The following PLEKHG6 variants were observed in gnomAD, a reference collection of about 807,000 sequenced individuals.
The protein encoded by PLEKHG6 is pleckstrin homology and RhoGEF domain containing G6, also known as pleckstrin homology domain-containing family G member 6.
In PLEKHG6, 91 loss-of-function variants were observed where a neutral mutation model predicts 97.5. The ratio of observed to expected loss-of-function variants is 0.93; its 90% confidence interval spans 0.79 to 1.11. PLEKHG6 has a LOEUF of 1.11. Ranked by LOEUF, PLEKHG6 falls within the 50% of genes most tolerant of loss-of-function variation. The pLI is 0.00. For missense variants in PLEKHG6, 1,044 were observed against 1,031.0 expected (o/e 1.01, Z -0.17); for synonymous variants, 466 against 425.5 (o/e 1.10, Z -1.17).
rs1326172276 is a variant in PLEKHG6, at chr12:6,315,426, G to A, written c.460-128G>A. On this transcript the variant is annotated intron_variant, in intron 4 of 15. Transcript: ENST00000684764. The surrounding 1 kb of genome is among the most constrained non-coding windows in gnomAD (Gnocchi z 4.5). Reference sequence around the variant, plus strand: ...CCTACACATCAGAGCACTGGTTTGAGGATTAAAAGGTCATGGTCATGCACA... The same window carrying A: ...CCTACACATCAGAGCACTGGTTTGAAGATTAAAAGGTCATGGTCATGCACA... 9 of 696,426 alleles carry A rather than the reference G, an allele frequency of 1.3e-5. No homozygotes were observed. The highest frequency in any genetic ancestry group is 2.2e-5 in the Non-Finnish European group (9 of 406,954). The allele number at this position is 696,426 out of a possible 1,614,324, so 43.1% of individuals were successfully genotyped here.
intron 15 of PLEKHG6, 62 bp downstream of exon 15, chr12:6,328,008 G>GGA (rs386375490): frequency 1.0e-5 from 16 of 1,554,530 alleles, no homozygotes; most frequent in African/African-American, 2.7e-5. Flanking sequence ...ATGGTGGTGG[G>GGA]GTGTAGTATA....
intron 2 of PLEKHG6, 81 bp from the exon 3 acceptor site, chr12:6,313,548 C>A: frequency 6.6e-7 from 1 of 1,518,282 alleles, no homozygotes; most frequent in Non-Finnish European, 9.0e-7. Context: ...ACATCTAGAG[C>A]CAAGCCTGCC....
Position 6,313,607 on chromosome 12 carries a change from A to G in PLEKHG6, c.139-22A>G, listed in dbSNP as rs1221772710. On this transcript the variant is annotated intron_variant, in intron 2 of 15. Transcript: ENST00000684764. ...CTGGGGAAAGGGAGGCACCCCCAGAACTTCCCCTGCTCCTCTCCCAGGATC... is the reference window on the plus strand; with the variant it reads ...CTGGGGAAAGGGAGGCACCCCCAGAGCTTCCCCTGCTCCTCTCCCAGGATC... 1.9e-6 allele frequency: 3 copies of G among 1,613,078 alleles called. No individual in the cohort carries two copies. In the Admixed American group the frequency reaches 5.0e-5, roughly 27 times the overall value.
intron 1 of PLEKHG6, among the ~76,000 whole-genome samples, chr12:6,311,598 T>C (rs1947270438): frequency 6.6e-6 from 1 of 152,214 alleles, no homozygotes; most frequent in South Asian, 2.1e-4. Flanking sequence ...TCATGTAATA[T>C]TTACTTGTCC....
At chr12:6,319,142 AG>A in intron 13 of PLEKHG6, 34 bp downstream of exon 13, 1 of 1,454,724 alleles carries the variant, frequency 6.9e-7, no homozygotes, top group Non-Finnish European at 9.5e-7. Context: ...AGGCATGGGC[AG>A]GGGTCCCCGG....
At chr12:6,324,333 G>A (rs1947802209) in intron 13 of PLEKHG6, among the ~76,000 whole-genome samples, 1 of 150,668 alleles carries the variant, frequency 6.6e-6, no homozygotes, top group African/African-American at 2.4e-5. Context: ...CTGGGGTCGG[G>A]CAAGGGGCAA....
chr12:6,314,601 C>T (rs1325946935), intron 3 of PLEKHG6, among the ~76,000 whole-genome samples: 2 of 152,132 alleles, frequency 1.3e-5, no homozygotes, highest in Non-Finnish European at 2.9e-5. Flanking sequence ...GTGCCTGAGA[C>T]CACTGGTTCT....
Position 6,315,648 on chromosome 12 carries a change from A to T in PLEKHG6, c.554A>T (p.Asp185Val), listed in dbSNP as rs368837695. Residue 185 changes from aspartate (D) to valine (V), a missense_variant and splice_region_variant, in exon 5 of 16, where the codon GAT (aspartate) becomes GTT (valine). By Grantham distance (152) the Asp-to-Val change is radical (BLOSUM62 -3). Coordinates refer to ENST00000684764, the MANE Select transcript of PLEKHG6 (RefSeq NM_001384598.1). The surrounding 1 kb of genome is among the most constrained non-coding windows in gnomAD (Gnocchi z 4.5). ...GTGAGAAAGCTCAAGATCATGACTG[A>T]TGTGAGCCCCCCTCAGCCCCAGCCC... The part of the protein sequence containing the change: ...IYVRKLKIMT[D>V]LLAAGLLNLQ... 1.3e-6 allele frequency: 2 copies of T among 1,572,630 alleles called. No homozygotes were observed. Among genetic ancestry groups the T allele is most frequent in the Non-Finnish European group, 1.7e-6 (2 of 1,146,812 alleles).
At position 6,313,768 on chromosome 12, in the gene PLEKHG6, A is replaced by C; in HGVS notation, c.278A>C (p.His93Pro). The C allele has an allele frequency of 6.3e-7, 1 of 1,579,644 alleles. No homozygotes were observed. The highest frequency in any genetic ancestry group is 8.6e-7 in the Non-Finnish European group (1 of 1,163,264). ...HGGHVGAGLL[H>P]SPKLKELTKA... ...GGCCATGTGGGGGCTGGCCTGCTTC[A>C]CTCCCCCAAACTCAAGGTAAGGGGG... Residue 93 changes from histidine (H) to proline (P), a missense_variant, in exon 3 of 16, where the codon CAC (histidine) becomes CCC (proline). Coordinates refer to ENST00000684764, the MANE Select transcript of PLEKHG6 (RefSeq NM_001384598.1).
At chr12:6,328,095 T>C in intron 15 of PLEKHG6, 41 bp from the exon 16 acceptor site, 1 of 1,613,750 alleles carries the variant, frequency 6.2e-7, no homozygotes, top group Non-Finnish European at 8.5e-7. Context: ...CCTCACCCGT[T>C]GCCACTGAAT....
intron 1 of PLEKHG6, 63 bp from the exon 2 acceptor site, chr12:6,312,096 C>G: frequency 1.3e-6 from 1 of 743,982 alleles, no homozygotes; most frequent in East Asian, 3.2e-5. Context: ...CAGCCTTGGT[C>G]TCCCGCCTGG....
intron 3 of PLEKHG6, 136 bp downstream of exon 3, chr12:6,313,920 T>A: frequency 1.4e-6 from 1 of 736,418 alleles, no homozygotes; most frequent in Non-Finnish European, 2.1e-6. Flanking sequence ...TGGCTCTGCC[T>A]AGGACCTCTC....
chr12:6,314,816 T>G (rs1403487309), intron 3 of PLEKHG6, among the ~76,000 whole-genome samples, 189 bp from the exon 4 acceptor site: 1 of 152,180 alleles, frequency 6.6e-6, no homozygotes, highest in Non-Finnish European at 1.5e-5. Context: ...GAATTCCAGC[T>G]GGGGCCGACC....
chr12:6,327,305 A>G lies in PLEKHG6; in HGVS notation c.1722A>G (p.Thr574=). ...IIPHLVVTED[T]DEDAPLVPDD... ...CCCACCTGGTGGTGACAGAAGACAC[A>G]GATGAAGATGCTCCCCTTGTGCCAG... The change falls in exon 15 of 16, where the codon ACA becomes ACG. Residue 574 remains threonine, a synonymous_variant. Coordinates refer to ENST00000684764, the MANE Select transcript of PLEKHG6 (RefSeq NM_001384598.1). 1 of 1,613,112 alleles carries G rather than the reference A, an allele frequency of 6.2e-7. No individual in the cohort carries two copies. The highest frequency in any genetic ancestry group is 1.3e-5 in the African/African-American group (1 of 75,014).
At chr12:6,312,089 C>T (rs1947289513) in intron 1 of PLEKHG6, 70 bp from the exon 2 acceptor site, 2 of 683,252 alleles carry the variant, frequency 2.9e-6, no homozygotes, top group East Asian at 6.3e-5. Flanking sequence ...CCCCTACCAG[C>T]CTTGGTCTCC....
chr12:6,317,624 G>A lies in PLEKHG6; in HGVS notation c.945G>A (p.Lys315=), dbSNP rs1401079626. The part of the protein sequence containing the change: ...LLIKPHQRIT[K]YPLLLHAVLK... ...TCAAGCCCCACCAGCGCATCACCAA[G>A]TACCCACTGCTGCTCCATGCTGTGC... is the stretch of plus-strand genomic sequence containing the variant. The change falls in exon 9 of 16, where the codon AAG becomes AAA. Residue 315 remains lysine, a synonymous_variant. Transcript: ENST00000684764. 11 of 1,613,902 alleles carry A rather than the reference G, an allele frequency of 6.8e-6. No homozygotes were observed. In the Admixed American group the frequency reaches 8.3e-5, roughly 12 times the overall value.
chr12:6,317,881 C>G lies in PLEKHG6; in HGVS notation c.1042C>G (p.Arg348Gly), dbSNP rs141353120. 6.4e-7 allele frequency: 1 copy of G among 1,555,652 alleles called. No homozygotes were observed. Among genetic ancestry groups the G allele is most frequent in the Admixed American group, 2.0e-5 (1 of 51,150 alleles). ...GATTGAAGCCGTGGAGTCATTCCTGCGACACATCAATGGGCAGGTCCGCCA... is the reference window on the plus strand; with the variant it reads ...GATTGAAGCCGTGGAGTCATTCCTGGGACACATCAATGGGCAGGTCCGCCA... ...AMIEAVESFLRHINGQVRQGE... is the reference protein window; with the variant it reads ...AMIEAVESFLGHINGQVRQGE... Residue 348 changes from arginine (R) to glycine (G), a missense_variant, in exon 10 of 16, where the codon CGA (arginine) becomes GGA (glycine). Transcript: ENST00000684764.
intron 13 of PLEKHG6, chr12:6,319,681 C>T (rs1307570820): frequency 6.5e-7 from 1 of 1,532,480 alleles, no homozygotes; most frequent in Non-Finnish European, 8.7e-7. Flanking sequence ...AAGGTTTGTA[C>T]AGCCTGAAAT....
In PLEKHG6 at chr12:6,326,527, C is replaced by T. The variant is rs145818347; in HGVS notation, c.1624C>T (p.Pro542Ser). ...GGACAGGGAGTCCCCCAGCACCAGG[C>T]CCTCCACGCCTTCCCTGGAGGGCTC... ...DQDRESPSTRPSTPSLEGSQS... is the reference protein window; with the variant it reads ...DQDRESPSTRSSTPSLEGSQS... The change falls in exon 14 of 16, where the codon CCC (proline) becomes TCC (serine). Residue 542 changes from proline to serine, a missense_variant. Transcript: ENST00000684764. The T allele has an allele frequency of 1.5e-3, 2,429 of 1,587,598 alleles. 10 individuals carry two copies. Among genetic ancestry groups the T allele is most frequent in the Non-Finnish European group, 1.5e-3 (1,769 of 1,170,006 alleles).
Sources: gnomAD v4.1 joint callset for allele counts (sites outside exome capture counted in the v4.1 genomes callset) on GRCh38, gnomAD v4.1.1 for gene constraint, Gnocchi (gnomAD v3.1) non-coding constraint, MANE v1.5 for transcripts, NCBI Gene and HGNC (gene_info 2026-07-23, HGNC 2026-07-21) for gene names.